The following ZNF292 variants were observed in gnomAD, a reference collection of about 807,000 sequenced individuals.
The protein encoded by ZNF292 is zinc finger protein 292.
ZNF292 carries 26 observed loss-of-function variants against 217.9 expected under a neutral mutation model. The observed-to-expected ratio is 0.12, with a 90% CI of 0.09 to 0.17. The LOEUF (loss-of-function observed/expected upper bound fraction) is 0.17, where lower values mean the gene tolerates loss of function less well. Among genes scored for constraint, ZNF292 ranks in the 10% least tolerant of loss-of-function variants. ZNF292 has a pLI of 1.00. For synonymous variants in ZNF292, 1,257 were observed against 1,124.1 expected (o/e 1.12, Z -2.37); for missense variants, 2,904 against 3,175.2 (o/e 0.91, Z 2.05).
chr6:87,240,287 G>A (rs1045132768), intron 5 of ZNF292, among the ~76,000 whole-genome samples: 5 of 151,394 alleles, frequency 3.3e-5, no homozygotes, highest in South Asian at 2.1e-4. Flanking sequence ...GTTGCAGTGA[G>A]CAGAGATGGT....
At chr6:87,180,175 G>A (rs533633062) in intron 1 of ZNF292, among the ~76,000 whole-genome samples, 1 of 152,280 alleles carries the variant, frequency 6.6e-6, no homozygotes, top group South Asian at 2.1e-4. Context: ...CAAAAAAACA[G>A]AACAAAACAA....
At chr6:87,192,100 A>C (rs894384789) in intron 1 of ZNF292, among the ~76,000 whole-genome samples, 1 of 152,252 alleles carries the variant, frequency 6.6e-6, no homozygotes, top group Non-Finnish European at 1.5e-5. Flanking sequence ...ATTTGACTAC[A>C]AAAACATTTA....
At chr6:87,238,610 T>G (rs1280110609) in intron 5 of ZNF292, among the ~76,000 whole-genome samples, 5 of 145,980 alleles carry the variant, frequency 3.4e-5, no homozygotes, top group Non-Finnish European at 7.5e-5. Flanking sequence ...GGTTTTATTT[T>G]TTTGGTTTTT....
chr6:87,176,785 C>T (rs553941848), intron 1 of ZNF292, among the ~76,000 whole-genome samples: 20 of 152,292 alleles, frequency 1.3e-4, no homozygotes, highest in Admixed American at 1.2e-3. Context: ...ACATTATCTC[C>T]CGTCACTCAC....
At chr6:87,250,429 C>G (rs1774866893) in intron 7 of ZNF292, among the ~76,000 whole-genome samples, 1 of 151,854 alleles carries the variant, frequency 6.6e-6, no homozygotes. Context: ...GCCTGGGTGA[C>G]AAAGTGAGAC....
chr6:87,256,135 G>A lies in ZNF292; in HGVS notation c.2506G>A (p.Glu836Lys), dbSNP rs751071932. 5.0e-6 allele frequency: 8 copies of A among 1,613,556 alleles called. No individual in the cohort carries two copies. In the East Asian group the frequency reaches 1.8e-4, roughly 36 times the overall value. ...TCTGGATGATCACAGTACTCCTCCT[G>A]AAAAAGTGCTGCCTCCTGAAGCCCA... is the stretch of plus-strand genomic sequence containing the variant. ...KHLDDHSTPP[E>K]KVLPPEAQLN... The change falls in exon 8 of 8, where the codon GAA (glutamate) becomes AAA (lysine). Residue 836 changes from glutamate (E) to lysine (K), a missense_variant. Coordinates refer to ENST00000369577, the MANE Select transcript of ZNF292 (RefSeq NM_015021.3).
At chr6:87,235,798 G>A (rs1008770054) in intron 5 of ZNF292, among the ~76,000 whole-genome samples, 1 of 151,984 alleles carries the variant, frequency 6.6e-6, no homozygotes, top group African/African-American at 2.4e-5. Context: ...GACTTTTCAT[G>A]TTCATAAGCA....
At chr6:87,246,808 AT>A (rs1020340757) in intron 7 of ZNF292, among the ~76,000 whole-genome samples, 22 of 152,264 alleles carry the variant, frequency 1.4e-4, no homozygotes, top group African/African-American at 5.1e-4. Context: ...GTGAGCCGAG[AT>A]TGCACCACTG....
At chr6:87,197,149 T>C (rs1407070390) in intron 1 of ZNF292, among the ~76,000 whole-genome samples, 1 of 152,182 alleles carries the variant, frequency 6.6e-6, no homozygotes, top group East Asian at 1.9e-4. Flanking sequence ...GACTTCTTGC[T>C]AGAGGTAATA....
At chr6:87,209,311 T>C (rs1772384180) in intron 1 of ZNF292, among the ~76,000 whole-genome samples, 1 of 152,206 alleles carries the variant, frequency 6.6e-6, no homozygotes, top group Non-Finnish European at 1.5e-5. Context: ...TCCATTCCCA[T>C]GTTCCTATTC....
chr6:87,212,433 A>G (rs769753459), intron 1 of ZNF292, among the ~76,000 whole-genome samples: 2 of 152,108 alleles, frequency 1.3e-5, no homozygotes, highest in Admixed American at 6.6e-5. Flanking sequence ...CATCTCTCTA[A>G]TCATGGCATG....
chr6:87,186,457 G>A (rs923380200), intron 1 of ZNF292, among the ~76,000 whole-genome samples: 1 of 152,142 alleles, frequency 6.6e-6, no homozygotes, highest in African/African-American at 2.4e-5. Context: ...AGTACACTTT[G>A]CATCTTCACT....
intron 5 of ZNF292, among the ~76,000 whole-genome samples, chr6:87,235,580 A>C (rs995170470): frequency 6.6e-6 from 1 of 152,000 alleles, no homozygotes; most frequent in African/African-American, 2.4e-5. Context: ...AAAAAAAAAA[A>C]ATCTGTATTT....
At chr6:87,168,082 G>A (rs545725179) in intron 1 of ZNF292, among the ~76,000 whole-genome samples, 2 of 152,284 alleles carry the variant, frequency 1.3e-5, no homozygotes, top group South Asian at 4.1e-4. Flanking sequence ...TGGAGTTAGA[G>A]GCAAGACCAA....
At chr6:87,196,364 A>G (rs1771953261) in intron 1 of ZNF292, among the ~76,000 whole-genome samples, 1 of 152,180 alleles carries the variant, frequency 6.6e-6, no homozygotes, top group Non-Finnish European at 1.5e-5. Context: ...TTTCCTTGCT[A>G]CACTTTCATT....
At chr6:87,184,496 G>A (rs1477795700) in intron 1 of ZNF292, among the ~76,000 whole-genome samples, 10 of 147,908 alleles carry the variant, frequency 6.8e-5, no homozygotes, top group African/African-American at 2.3e-4. Flanking sequence ...TTTTTGAGGG[G>A]ACAGTTCCGT....
At chr6:87,207,825 CATCTAAT>C (rs1210340784) in intron 1 of ZNF292, among the ~76,000 whole-genome samples, 2 of 152,068 alleles carry the variant, frequency 1.3e-5, no homozygotes, top group African/African-American at 4.8e-5. Flanking sequence ...ATCCAAAATC[CATCTAAT>C]ATGCTATAAT....
chr6:87,168,290 T>G (rs1770981162), intron 1 of ZNF292, among the ~76,000 whole-genome samples: 2 of 152,208 alleles, frequency 1.3e-5, no homozygotes. Context: ...TGACCCAGTG[T>G]CATCAAAAAA....
chr6:87,209,441 C>G (rs974554187), intron 1 of ZNF292, among the ~76,000 whole-genome samples: 6 of 152,158 alleles, frequency 3.9e-5, no homozygotes, highest in Non-Finnish European at 7.3e-5. Context: ...CCTTAAAATA[C>G]ATTTTAATAA....
Sources: gnomAD v4.1 joint callset for allele counts (sites outside exome capture counted in the v4.1 genomes callset) on GRCh38, gnomAD v4.1.1 for gene constraint, MANE v1.5 for transcripts, NCBI Gene and HGNC (gene_info 2026-07-23, HGNC 2026-07-21) for gene names.